The following NSMCE1 variants were observed in gnomAD, a reference collection of about 807,000 sequenced individuals.
The protein encoded by NSMCE1 is non-structural maintenance of chromosomes element 1 homolog.
In NSMCE1, 18 loss-of-function variants were observed where a neutral mutation model predicts 29.6. The observed-to-expected ratio is 0.61, with a 90% confidence interval of 0.42 to 0.90. The LOEUF is 0.90. Ranked by LOEUF, NSMCE1 falls within the 40% of genes least tolerant of loss-of-function variation. The pLI is 0.00. For missense variants in NSMCE1, 314 were observed against 343.6 expected (o/e 0.91, Z 0.68); for synonymous variants, 124 against 133.4 (o/e 0.93, Z 0.49).
At chr16:27,248,937 T>A (rs2083991023) in intron 2 of NSMCE1, among the ~76,000 whole-genome samples, 1 of 151,244 alleles carries the variant, frequency 6.6e-6, no homozygotes, top group Non-Finnish European at 1.5e-5. Context: ...CAAGCAACCC[T>A]CCCACATCAG....
intron 1 of NSMCE1, among the ~76,000 whole-genome samples, chr16:27,267,614 C>T (rs1462307249): frequency 6.8e-6 from 1 of 147,792 alleles, no homozygotes; most frequent in Non-Finnish European, 1.5e-5. Context: ...AGTGGATGAT[C>T]GGATGCAGGG....
chr16:27,263,317 G>A (rs1213560516), intron 1 of NSMCE1, among the ~76,000 whole-genome samples: 3 of 152,170 alleles, frequency 2.0e-5, no homozygotes, highest in Non-Finnish European at 1.5e-5. Flanking sequence ...TGACAGACTG[G>A]ATAAAGAAAA....
At chr16:27,246,949 T>C (rs977278287) in intron 2 of NSMCE1, among the ~76,000 whole-genome samples, 2 of 148,104 alleles carry the variant, frequency 1.4e-5, no homozygotes, top group African/African-American at 2.7e-5. Flanking sequence ...GCTTCCATAT[T>C]ATATCTGCAA....
intron 2 of NSMCE1, among the ~76,000 whole-genome samples, chr16:27,237,354 C>T (rs988170705): frequency 3.9e-5 from 6 of 152,210 alleles, no homozygotes; most frequent in Non-Finnish European, 7.4e-5. Context: ...ACTGCGGCAG[C>T]CACCTTGGAT....
intron 2 of NSMCE1, 82 bp from the exon 3 acceptor site, chr16:27,235,381 C>T (rs777883817): frequency 6.6e-7 from 1 of 1,516,512 alleles, no homozygotes; most frequent in Non-Finnish European, 9.0e-7. Flanking sequence ...CATTCCATCC[C>T]ATCTCAACGC....
chr16:27,248,005 C>T (rs747841857), intron 2 of NSMCE1, among the ~76,000 whole-genome samples: 37 of 151,994 alleles, frequency 2.4e-4, no homozygotes, highest in South Asian at 6.2e-4. Context: ...TCAGCAAAAT[C>T]ATTCTGATTC....
rs377634453 is a variant in NSMCE1 at position 27,234,284 on chromosome 16, C to T, written c.259-19G>A. 3.8e-6 allele frequency: 6 copies of T among 1,565,664 alleles called. No homozygotes were observed. The highest frequency in any genetic ancestry group is 4.5e-5 in the East Asian group (2 of 44,678). On this transcript the variant is annotated intron_variant, in intron 3 of 7. Coordinates refer to ENST00000361439, the MANE Select transcript of NSMCE1 (RefSeq NM_145080.4). ...GATTCACCTAAGAAATAAGTCAGCA[C>T]GACAGTCAGGCTGTGCTCTTTGCGT... is the stretch of plus-strand genomic sequence containing the variant.
intron 6 of NSMCE1, 33 bp from the exon 7 acceptor site, chr16:27,225,879 G>A (rs772786007): frequency 5.0e-6 from 8 of 1,611,986 alleles, no homozygotes; most frequent in South Asian, 1.1e-5. Flanking sequence ...CGGCGGAGCT[G>A]GTGCACACCT....
In NSMCE1 at chr16:27,257,398, C is replaced by T. The variant is rs57771196; in HGVS notation, c.136+37G>A. 11,286 of 1,576,000 alleles carry T rather than the reference C, an allele frequency of 7.2e-3. 408 individuals are homozygous for T. In the African/African-American group the frequency reaches 0.09, roughly 13 times the overall value. On this transcript the variant is annotated intron_variant, in intron 2 of 7. Coordinates refer to ENST00000361439, the MANE Select transcript of NSMCE1 (RefSeq NM_145080.4). ...TGTCACTGGTCCCTGATCAACACAG[C>T]ACCAGAGCGCCCTGGGAACAGGGAA...
chr16:27,229,515 C>A (rs578066456), intron 5 of NSMCE1, among the ~76,000 whole-genome samples: 2 of 152,196 alleles, frequency 1.3e-5, no homozygotes, highest in Non-Finnish European at 2.9e-5. Flanking sequence ...GCACTGATCC[C>A]AAAGGAATGC....
chr16:27,242,567 C>CCTAT (rs1453724682), intron 2 of NSMCE1, among the ~76,000 whole-genome samples: 1 of 152,142 alleles, frequency 6.6e-6, no homozygotes, highest in African/African-American at 2.4e-5. Flanking sequence ...ACTTGCTGTC[C>CCTAT]CTATCTATGC....
chr16:27,228,027 C>T (rs562049288), intron 5 of NSMCE1, among the ~76,000 whole-genome samples: 7 of 152,210 alleles, frequency 4.6e-5, no homozygotes, highest in Admixed American at 1.3e-4. Flanking sequence ...TCAGGTGATC[C>T]GCCCACCTCG....
chr16:27,254,866 C>CTTT (rs61088115), intron 2 of NSMCE1, among the ~76,000 whole-genome samples: 47 of 46,918 alleles, frequency 1.0e-3, no homozygotes, highest in Non-Finnish European at 1.1e-3. Flanking sequence ...TCCAACCATG[C>CTTT]TTTTTTTTTT....
chr16:27,236,599 T>G (rs1198280290), intron 2 of NSMCE1, among the ~76,000 whole-genome samples: 1 of 152,022 alleles, frequency 6.6e-6, no homozygotes, highest in East Asian at 1.9e-4. Flanking sequence ...GCCCAGCTTG[T>G]GCTGTGAAAC....
At chr16:27,228,266 C>G (rs2083724129) in intron 5 of NSMCE1, among the ~76,000 whole-genome samples, 1 of 152,168 alleles carries the variant, frequency 6.6e-6, no homozygotes, top group Non-Finnish European at 1.5e-5. Context: ...GGGGCATGGA[C>G]AGCCGCTGCG....
intron 1 of NSMCE1, among the ~76,000 whole-genome samples, chr16:27,262,579 T>TA (rs2084171520): frequency 6.6e-6 from 1 of 152,270 alleles, no homozygotes; most frequent in Admixed American, 6.5e-5. Context: ...TTACAGCACA[T>TA]ACAGGAATCA....
At chr16:27,225,267 T>G (rs778933604) in intron 7 of NSMCE1, 31 bp from the exon 8 acceptor site, 1 of 1,358,048 alleles carries the variant, frequency 7.4e-7, no homozygotes, top group South Asian at 1.2e-5. Context: ...AAAGACACAG[T>G]GAATGGAGGG....
intron 5 of NSMCE1, among the ~76,000 whole-genome samples, chr16:27,227,130 A>T (rs2083707045): frequency 6.6e-6 from 1 of 152,196 alleles, no homozygotes; most frequent in Non-Finnish European, 1.5e-5. Flanking sequence ...GCCTCGAGGG[A>T]GGCAGTCACA....
At chr16:27,233,425 G>A (rs1010204170) in intron 4 of NSMCE1, among the ~76,000 whole-genome samples, 27 of 152,270 alleles carry the variant, frequency 1.8e-4, no homozygotes, top group Admixed American at 1.1e-3. Flanking sequence ...GGCTGGCCTC[G>A]GAGGCAGTGA....
Sources: gnomAD v4.1 joint callset for allele counts (sites outside exome capture counted in the v4.1 genomes callset) on GRCh38, gnomAD v4.1.1 for gene constraint, MANE v1.5 for transcripts, NCBI Gene and HGNC (gene_info 2026-07-23, HGNC 2026-07-21) for gene names.